NELL1: variants seen among roughly 807,000 people sequenced by gnomAD.
NELL1 encodes neural EGFL like 1, also known as protein kinase C-binding protein NELL1.
Under a neutral mutation model 107.4 loss-of-function variants are expected in NELL1, and 76 were observed. The ratio of observed to expected loss-of-function variants is 0.71; its 90% confidence interval spans 0.59 to 0.86. The LOEUF is 0.86. Ranked by LOEUF, NELL1 falls within the 40% of genes least tolerant of loss-of-function variation. NELL1 has a pLI of 0.00. For synonymous variants in NELL1, 353 were observed against 341.2 expected, an observed-to-expected ratio of 1.03 and a Z score of -0.38; for missense variants, 1,024 against 1,005.5, an observed-to-expected ratio of 1.02 and a Z score of -0.25.
intron 12 of NELL1, among the ~76,000 whole-genome samples, chr11:21,030,370 T>C (rs771128194): frequency 6.6e-6 from 1 of 152,204 alleles, no homozygotes; most frequent in Non-Finnish European, 1.5e-5. Flanking sequence ...CAGACAGCAG[T>C]TATACATGAA....
intron 13 of NELL1, among the ~76,000 whole-genome samples, chr11:21,196,483 AG>A (rs1203733065): frequency 6.6e-6 from 1 of 151,986 alleles, no homozygotes; most frequent in Non-Finnish European, 1.5e-5. Flanking sequence ...AGAATGCTAG[AG>A]GGTTGCTAGA....
At chr11:21,495,715 G>C (rs1205447838) in intron 15 of NELL1, among the ~76,000 whole-genome samples, 1 of 152,034 alleles carries the variant, frequency 6.6e-6, no homozygotes, top group African/African-American at 2.4e-5. Flanking sequence ...TGGGTATGCT[G>C]TGGTACCTCC....
chr11:21,203,661 C>T (rs1857323460), intron 13 of NELL1, among the ~76,000 whole-genome samples: 1 of 152,016 alleles, frequency 6.6e-6, no homozygotes. Flanking sequence ...TGTTATGATG[C>T]TAGATGGGTA....
At chr11:21,098,110 C>G (rs558859996) in intron 12 of NELL1, among the ~76,000 whole-genome samples, 1 of 152,326 alleles carries the variant, frequency 6.6e-6, no homozygotes, top group East Asian at 1.9e-4. Context: ...TATGCCACAG[C>G]TAAGTTCTGG....
chr11:20,806,725 TTTTATTTA>T (rs529860317), intron 3 of NELL1, among the ~76,000 whole-genome samples: 220 of 152,192 alleles, frequency 1.4e-3, no homozygotes, highest in African/African-American at 4.9e-3. Context: ...CTTCATAGTG[TTTTATTTA>T]TTTATTTATT....
chr11:21,401,599 G>T (rs1310757563), intron 15 of NELL1, among the ~76,000 whole-genome samples: 1 of 151,680 alleles, frequency 6.6e-6, no homozygotes, highest in Non-Finnish European at 1.5e-5. Context: ...CTGCTCCAAG[G>T]ATCAGTGAGA....
chr11:21,409,925 C>T lies in NELL1; in HGVS notation c.1645+38977C>T, dbSNP rs74555211. Among the ~76,000 whole-genome samples, 876 of 151,912 alleles carry T rather than the reference C, an allele frequency of 5.8e-3. 5 individuals are homozygous for T. Among genetic ancestry groups the T allele is most frequent in the African/African-American group, 0.02 (845 of 41,468 alleles). ...AATGCAAGAAATAATTAATGAAAGG[C>T]AGGAAGAAAGAGAAACAATACAAAA... is the stretch of plus-strand genomic sequence containing the variant. On this transcript the variant is annotated intron_variant, in intron 15 of 19. Coordinates refer to ENST00000357134, the MANE Select transcript of NELL1 (RefSeq NM_006157.5).
In NELL1 at chr11:21,423,771, GT is replaced by G. The variant is rs1412693253; in HGVS notation, c.1645+52824del. On this transcript the variant is annotated intron_variant, in intron 15 of 19. Coordinates refer to ENST00000357134, the MANE Select transcript of NELL1 (RefSeq NM_006157.5). ...TTTAAAGAGATAAATGCTATACAGT[GT>G]ATTTTTCCCGTCTACAACAGGATGA... 2.6e-5 allele frequency among the ~76,000 whole-genome samples: 4 copies of G among 152,160 alleles called. No homozygotes were observed. The South Asian group carries it at 6.2e-4, about 24-fold the overall frequency.
chr11:21,283,280 C>A (rs1169277627), intron 14 of NELL1, among the ~76,000 whole-genome samples: 1 of 151,798 alleles, frequency 6.6e-6, no homozygotes, highest in Admixed American at 6.6e-5. Flanking sequence ...TCATAGCAAT[C>A]TATAAATACA....
chr11:21,474,884 C>A (rs935057649), intron 15 of NELL1, among the ~76,000 whole-genome samples: 3 of 152,062 alleles, frequency 2.0e-5, no homozygotes, highest in Non-Finnish European at 4.4e-5. Flanking sequence ...AGCAATGGTT[C>A]TCTGTCTTTC....
intron 5 of NELL1, among the ~76,000 whole-genome samples, chr11:20,895,280 A>C (rs1849706319): frequency 1.3e-5 from 1 of 75,706 alleles, no homozygotes; most frequent in Non-Finnish European, 2.3e-5. Flanking sequence ...TCAAAAAAAA[A>C]AAAAAAAAAA....
At chr11:20,709,697 G>A (rs749448227) in intron 2 of NELL1, among the ~76,000 whole-genome samples, 16 of 152,060 alleles carry the variant, frequency 1.1e-4, no homozygotes, top group Non-Finnish European at 2.1e-4. Flanking sequence ...CCACTTGTTT[G>A]TGTCATCAAT....
intron 15 of NELL1, among the ~76,000 whole-genome samples, chr11:21,529,544 G>A (rs1273056035): frequency 2.0e-5 from 3 of 147,762 alleles, no homozygotes; most frequent in African/African-American, 7.6e-5. Context: ...TTAAACTTAT[G>A]TGAAGTTTTT....
At chr11:21,544,952 T>A (rs1206018354) in intron 16 of NELL1, among the ~76,000 whole-genome samples, 3 of 151,896 alleles carry the variant, frequency 2.0e-5, no homozygotes, top group African/African-American at 7.2e-5. Context: ...TATCAGAATG[T>A]TTCTACTATC....
chr11:20,991,401 A>C (rs1851968380), intron 12 of NELL1, among the ~76,000 whole-genome samples: 1 of 152,206 alleles, frequency 6.6e-6, no homozygotes, highest in African/African-American at 2.4e-5. Flanking sequence ...TAAAATTAAT[A>C]ATATGCTCTT....
chr11:21,560,152 G>A (rs777952900), intron 16 of NELL1, 37 bp from the exon 17 acceptor site: 2 of 1,591,104 alleles, frequency 1.3e-6, no homozygotes, highest in South Asian at 1.1e-5. Context: ...AAGTTCCCTT[G>A]GCTAGATTCT....
chr11:20,975,876 CAT>C (rs1564995518), intron 12 of NELL1, among the ~76,000 whole-genome samples: 3 of 122,540 alleles, frequency 2.4e-5, no homozygotes, highest in East Asian at 2.3e-4. Context: ...TATATATACA[CAT>C]ACATGTGTAT....
rs529367244 is a variant in NELL1, at chr11:20,931,796, T to A, written c.997+3317T>A. ...GTTCCTTATTTTGATTTTTTTTCATTTTTTTTGTGGAGCTGCCTGAAGTAA... is the reference window on the plus strand; with the variant it reads ...GTTCCTTATTTTGATTTTTTTTCATATTTTTTGTGGAGCTGCCTGAAGTAA... On this transcript the variant is annotated intron_variant, in intron 9 of 19. Transcript: ENST00000357134. Among the ~76,000 whole-genome samples the A allele has an allele frequency of 9.9e-5, 15 of 152,246 alleles. No homozygotes were observed. In the East Asian group the frequency reaches 2.5e-3, roughly 25 times the overall value.
intron 14 of NELL1, chr11:21,260,278 CT>C (rs869168137): frequency 9.5e-6 from 1 of 105,628 alleles, no homozygotes; most frequent in African/African-American, 4.9e-5. Context: ...GTTTTCTGTT[CT>C]TCTGCTGGTA....
Sources: gnomAD v4.1 joint callset for allele counts (sites outside exome capture counted in the v4.1 genomes callset) on GRCh38, gnomAD v4.1.1 for gene constraint, MANE v1.5 for transcripts, NCBI Gene and HGNC (gene_info 2026-07-23, HGNC 2026-07-21) for gene names.